Variants in PTPRT observed in about 807,000 individuals in gnomAD.
PTPRT encodes protein tyrosine phosphatase receptor type T.
A neutral mutation model predicts 176.8 loss-of-function variants in PTPRT; 56 were observed. The ratio of observed to expected loss-of-function variants is 0.32; its 90% CI spans 0.26 to 0.40. The LOEUF is 0.40. Among genes scored for constraint, PTPRT ranks in the 10% least tolerant of loss-of-function variants. The pLI, the probability that PTPRT is intolerant of heterozygous loss-of-function variation, is 1.00. For missense variants in PTPRT, 1,540 were observed against 1,908.2 expected (o/e 0.81, Z 3.60); for synonymous variants, 783 against 739.0 (o/e 1.06, Z -0.96).
chr20:42,526,163 C>T (rs1320524265), intron 7 of PTPRT, among the ~76,000 whole-genome samples: 1 of 152,012 alleles, frequency 6.6e-6, no homozygotes, highest in Admixed American at 6.6e-5. Context: ...TGTGATATTT[C>T]CTTCTTTAGG....
rs559351733 is a variant in PTPRT at position 42,465,510 on chromosome 20, T to A, written c.1450+6756A>T. 6.2e-4 allele frequency among the ~76,000 whole-genome samples: 94 copies of A among 152,292 alleles called. No homozygotes were observed. In the South Asian group the frequency reaches 0.017, roughly 27 times the overall value. On this transcript the variant is annotated intron_variant, in intron 8 of 30. Coordinates refer to ENST00000373187, the MANE Select transcript of PTPRT (RefSeq NM_007050.6). ...AAAGAGCAAATTCTGTAGTAACTGA[T>A]ATGAAGTGATTTCTAGGATATACTG...
chr20:42,978,752 C>A (rs977764013), intron 1 of PTPRT, among the ~76,000 whole-genome samples: 1 of 152,198 alleles, frequency 6.6e-6, no homozygotes, highest in African/African-American at 2.4e-5. Flanking sequence ...TGGTCATCCT[C>A]ACTGCTACAC....
rs545802855 is a variant in PTPRT at position 42,842,827 on chromosome 20, C to T, written c.214+42980G>A. 2.6e-5 allele frequency among the ~76,000 whole-genome samples: 4 copies of T among 152,304 alleles called. No individual in the cohort carries two copies. In the South Asian group the frequency reaches 8.3e-4, roughly 32 times the overall value. ...CTTCATGCATGGCAGCTTCTATGTG[C>T]CCTCACGTAGCAGCAGGAACAGAGG... On this transcript the variant is annotated intron_variant, in intron 2 of 30. Coordinates refer to ENST00000373187, the MANE Select transcript of PTPRT (RefSeq NM_007050.6).
At chr20:43,009,149 T>C (rs1984998503) in intron 1 of PTPRT, among the ~76,000 whole-genome samples, 1 of 152,120 alleles carries the variant, frequency 6.6e-6, no homozygotes, top group South Asian at 2.1e-4. Flanking sequence ...TCAATGAATT[T>C]TTCCCCAGCA....
chr20:42,315,577 T>C, intron 12 of PTPRT, 146 bp downstream of exon 12: 1 of 921,268 alleles, frequency 1.1e-6, no homozygotes, highest in Middle Eastern at 3.4e-4. Flanking sequence ...GCTGTACTAT[T>C]ATTTTTTTAA....
intron 11 of PTPRT, among the ~76,000 whole-genome samples, chr20:42,349,373 G>T (rs1026123180): frequency 3.3e-5 from 5 of 152,182 alleles, no homozygotes; most frequent in Non-Finnish European, 7.3e-5. Context: ...CTCTTACAAC[G>T]TTGGTGAAAT....
chr20:42,632,233 T>A (rs150709110), intron 7 of PTPRT, among the ~76,000 whole-genome samples: 14 of 152,224 alleles, frequency 9.2e-5, no homozygotes, highest in African/African-American at 3.1e-4. Context: ...TTTGTTGTTG[T>A]TGTTGTTTTG....
intron 18 of PTPRT, among the ~76,000 whole-genome samples, chr20:42,134,930 T>C (rs369098521): frequency 3.9e-5 from 6 of 152,300 alleles, no homozygotes; most frequent in East Asian, 3.9e-4. Flanking sequence ...TGTGGTCTTC[T>C]TTCAGTTGCT....
In PTPRT at chr20:42,150,077, T is replaced by C. The variant is rs550051825; in HGVS notation, c.2683-8075A>G. 2.6e-5 allele frequency among the ~76,000 whole-genome samples: 4 copies of C among 152,318 alleles called. No homozygotes were observed. The East Asian group carries it at 7.7e-4, about 29-fold the overall frequency. ...GATCGCTGATGCCTGTGTGGCTGAT[T>C]TTTTCTTCTACCTGGTTCTACTGAG... On this transcript the variant is annotated intron_variant, in intron 17 of 30. Transcript: ENST00000373187.
chr20:42,750,069 C>T (rs1208347936), intron 6 of PTPRT, among the ~76,000 whole-genome samples: 4 of 152,130 alleles, frequency 2.6e-5, no homozygotes, highest in Non-Finnish European at 5.9e-5. Flanking sequence ...AAAGCACTTT[C>T]GCAACTGACT....
At chr20:42,288,048 TACATCCTGAAGGAA>T (rs2057260370) in intron 12 of PTPRT, among the ~76,000 whole-genome samples, 1 of 151,928 alleles carries the variant, frequency 6.6e-6, no homozygotes, top group South Asian at 2.1e-4. Context: ...ATTTAAAAAA[TACATCCTGAAGGAA>T]ACAGACTAAA....
chr20:42,544,614 ATT>A (rs2072641225), intron 7 of PTPRT, among the ~76,000 whole-genome samples: 1 of 152,144 alleles, frequency 6.6e-6, no homozygotes, highest in Non-Finnish European at 1.5e-5. Context: ...TAGAGGGGAC[ATT>A]TATTGTCTCA....
chr20:42,234,838 C>T (rs1233388086), intron 15 of PTPRT, among the ~76,000 whole-genome samples: 2 of 152,174 alleles, frequency 1.3e-5, no homozygotes, highest in African/African-American at 2.4e-5. Flanking sequence ...TGGTAGTACC[C>T]GTCCTAAAGA....
At chr20:42,664,215 C>A (rs2075274455) in intron 7 of PTPRT, among the ~76,000 whole-genome samples, 1 of 152,142 alleles carries the variant, frequency 6.6e-6, no homozygotes, top group South Asian at 2.1e-4. Context: ...ATGCCTTTAG[C>A]CTTTTTTTCT....
chr20:42,442,568 T>C (rs2059326226), intron 9 of PTPRT, among the ~76,000 whole-genome samples: 2 of 152,300 alleles, frequency 1.3e-5, no homozygotes, highest in South Asian at 4.1e-4. Context: ...ATTTATACAC[T>C]GTAATTAGAA....
At chr20:43,151,729 G>A (rs2014361934) in intron 1 of PTPRT, among the ~76,000 whole-genome samples, 1 of 152,046 alleles carries the variant, frequency 6.6e-6, no homozygotes. Context: ...CAGGCATGGT[G>A]GCACATATCT....
At chr20:42,900,759 G>A (rs546990384) in intron 1 of PTPRT, among the ~76,000 whole-genome samples, 4 of 152,216 alleles carry the variant, frequency 2.6e-5, no homozygotes, top group South Asian at 2.1e-4. Context: ...GAACATGTCC[G>A]GGGTCCAGGG....
intron 2 of PTPRT, among the ~76,000 whole-genome samples, chr20:42,845,378 G>T (rs2078351933): frequency 1.3e-5 from 2 of 152,218 alleles, no homozygotes; most frequent in Admixed American, 6.5e-5. Context: ...ATATATGCAG[G>T]TTTATGATTT....
At chr20:42,416,615 G>T (rs1179985651) in intron 9 of PTPRT, among the ~76,000 whole-genome samples, 1 of 152,110 alleles carries the variant, frequency 6.6e-6, no homozygotes, top group Non-Finnish European at 1.5e-5. Context: ...ATAATTCATG[G>T]CTGACTCTGG....
Sources: gnomAD v4.1 joint callset for allele counts (sites outside exome capture counted in the v4.1 genomes callset) on GRCh38, gnomAD v4.1.1 for gene constraint, MANE v1.5 for transcripts, NCBI Gene and HGNC (gene_info 2026-07-23, HGNC 2026-07-21) for gene names.